Variants in ATXN7L1 observed in about 807,000 individuals in gnomAD.
The protein encoded by ATXN7L1 is ataxin-7-like protein 1.
In ATXN7L1, 15 loss-of-function variants were observed where a neutral mutation model predicts 70.8. That is an observed-to-expected ratio of 0.21 (90% CI 0.14 to 0.33). The LOEUF is 0.33. Among genes scored for constraint, ATXN7L1 ranks in the 10% least tolerant of loss-of-function variants. The pLI is 1.00. For synonymous variants in ATXN7L1, 440 were observed against 445.1 expected (o/e 0.99, Z 0.14); for missense variants, 975 against 1,097.1 (o/e 0.89, Z 1.57).
intron 2 of ATXN7L1, among the ~76,000 whole-genome samples, chr7:105,809,276 T>C (rs1031402703): frequency 3.3e-5 from 5 of 152,220 alleles, no homozygotes; most frequent in Admixed American, 1.3e-4. Flanking sequence ...AAAAGCCCCA[T>C]ATAACATGAG....
chr7:105,630,946 C>A lies in ATXN7L1; in HGVS notation c.1203-6679G>T, dbSNP rs552262247. 4.6e-5 allele frequency among the ~76,000 whole-genome samples: 7 copies of A among 152,276 alleles called. No homozygotes were observed. In the South Asian group the frequency reaches 1.5e-3, roughly 32 times the overall value. ...ACACAGGAAAGGTGGTCTTCAGCTT[C>A]ATCTGGACCTTGTTATATCTGCATG... On this transcript the variant is annotated intron_variant, in intron 7 of 11. Transcript: ENST00000419735.
intron 3 of ATXN7L1, among the ~76,000 whole-genome samples, chr7:105,761,711 G>A (rs1057163277): frequency 6.6e-5 from 10 of 152,116 alleles, no homozygotes; most frequent in East Asian, 1.9e-4. Flanking sequence ...ATGGAATGGC[G>A]GTGGGGTGGG....
chr7:105,819,120 G>T (rs1383554540), intron 2 of ATXN7L1, among the ~76,000 whole-genome samples: 1 of 151,122 alleles, frequency 6.6e-6, no homozygotes. Context: ...AACTATGAGT[G>T]AGAACCTGCG....
chr7:105,802,074 C>CT (rs1240535921), intron 2 of ATXN7L1, among the ~76,000 whole-genome samples: 1 of 152,162 alleles, frequency 6.6e-6, no homozygotes, highest in Admixed American at 6.5e-5. Context: ...CATAGCTTGG[C>CT]TCAAGAGAAA....
intron 4 of ATXN7L1, among the ~76,000 whole-genome samples, chr7:105,645,024 T>C (rs1562945384): frequency 1.3e-5 from 2 of 152,150 alleles, no homozygotes; most frequent in Non-Finnish European, 1.5e-5. Flanking sequence ...ATTCCACTTA[T>C]ATGAGGTACC....
At chr7:105,793,976 C>A (rs1805629317) in intron 2 of ATXN7L1, among the ~76,000 whole-genome samples, 1 of 150,160 alleles carries the variant, frequency 6.7e-6, no homozygotes, top group East Asian at 2.0e-4. Context: ...CCCACCCACC[C>A]CACCCATCCA....
At chr7:105,786,146 T>G (rs920376243) in intron 3 of ATXN7L1, among the ~76,000 whole-genome samples, 1 of 152,204 alleles carries the variant, frequency 6.6e-6, no homozygotes, top group African/African-American at 2.4e-5. Context: ...TTTGCTGAGT[T>G]GTGATCATGT....
At chr7:105,673,043 A>G (rs1230932570) in intron 3 of ATXN7L1, among the ~76,000 whole-genome samples, 8 of 152,204 alleles carry the variant, frequency 5.3e-5, no homozygotes, top group Non-Finnish European at 8.8e-5. Flanking sequence ...GCAGTCCTGG[A>G]GATCAGCCAA....
chr7:105,621,224 C>T (rs1246447895), intron 8 of ATXN7L1, among the ~76,000 whole-genome samples: 7 of 152,154 alleles, frequency 4.6e-5, no homozygotes, highest in Non-Finnish European at 8.8e-5. Flanking sequence ...TGTCTCCTTC[C>T]TTCTTCTTTT....
rs144672992 is a variant in ATXN7L1 at position 105,752,531 on chromosome 7, C to A, written c.355+36073G>T. Among the ~76,000 whole-genome samples, 142 of 152,300 alleles carry A rather than the reference C, an allele frequency of 9.3e-4. 3 individuals are homozygous for A. The East Asian group carries it at 0.025, about 27-fold the overall frequency. On this transcript the variant is annotated intron_variant, in intron 3 of 11. Coordinates refer to ENST00000419735, the MANE Select transcript of ATXN7L1 (RefSeq NM_020725.2). ...ACCACACCACCCTCTGACTATCATT[C>A]CCATGCTTGGCTACCACTGGAACTA...
chr7:105,705,366 C>T (rs571506870), intron 3 of ATXN7L1, among the ~76,000 whole-genome samples: 8 of 152,236 alleles, frequency 5.3e-5, no homozygotes, highest in Admixed American at 1.3e-4. Flanking sequence ...CTTTCTGCTG[C>T]GCTATTGAAC....
At chr7:105,802,196 G>A (rs1243962056) in intron 2 of ATXN7L1, among the ~76,000 whole-genome samples, 2 of 152,174 alleles carry the variant, frequency 1.3e-5, no homozygotes, top group Non-Finnish European at 2.9e-5. Context: ...ACGCTTCAGG[G>A]TCAATCCTTC....
intron 5 of ATXN7L1, among the ~76,000 whole-genome samples, chr7:105,642,220 A>G (rs1046351548): frequency 5.9e-5 from 9 of 152,244 alleles, no homozygotes; most frequent in African/African-American, 9.6e-5. Flanking sequence ...CTGCTCAGAC[A>G]ACCAAGGAGT....
chr7:105,725,532 G>C (rs931296511), intron 3 of ATXN7L1, among the ~76,000 whole-genome samples: 3 of 151,788 alleles, frequency 2.0e-5, no homozygotes, highest in Non-Finnish European at 4.4e-5. Flanking sequence ...TGAGGAATCT[G>C]CTCTCCAAAT....
rs773042809 is a variant in ATXN7L1, at chr7:105,876,406, G to C, written c.153C>G (p.Ile51Met). The change falls in exon 1 of 12, where the codon ATC (isoleucine) becomes ATG (methionine). Residue 51 changes from isoleucine to methionine, a missense_variant. Around this residue, in one of 5 missense-constraint regions of ATXN7L1, gnomAD observed 135 missense variants for 132.6 expected, o/e 1.02. Transcript: ENST00000419735. ...CGGAGCAGTGTAATTTGGCGGCGTC[G>C]ATCCAGGAGGACCAGGGTTTGCCCA... is the stretch of plus-strand genomic sequence containing the variant. Reference protein sequence around the residue: ...AFLGKPWSSWIDAAKLHCSDN... With the variant: ...AFLGKPWSSWMDAAKLHCSDN... The C allele has an allele frequency of 2.5e-6, 4 of 1,611,400 alleles. No homozygotes were observed. The highest frequency in any genetic ancestry group is 3.4e-6 in the Non-Finnish European group (4 of 1,178,646).
chr7:105,639,750 G>A (rs1180872802), intron 5 of ATXN7L1, among the ~76,000 whole-genome samples, 181 bp from the exon 6 acceptor site: 1 of 152,132 alleles, frequency 6.6e-6, no homozygotes, highest in Non-Finnish European at 1.5e-5. Context: ...TTCCAGAACC[G>A]CTCGGGGAAA....
At chr7:105,613,691 T>C in intron 10 of ATXN7L1, 171 bp downstream of exon 10, 7 of 1,471,648 alleles carry the variant, frequency 4.8e-6, no homozygotes, top group Non-Finnish European at 6.3e-6. Flanking sequence ...TGGTATCAAG[T>C]ACTTGTTCAG....
chr7:105,757,311 G>A (rs1171568732), intron 3 of ATXN7L1, among the ~76,000 whole-genome samples: 1 of 152,112 alleles, frequency 6.6e-6, no homozygotes, highest in African/African-American at 2.4e-5. Flanking sequence ...AAGGATGGAG[G>A]CAAATTTCAC....
At chr7:105,757,603 C>T (rs1799968349) in intron 3 of ATXN7L1, among the ~76,000 whole-genome samples, 1 of 106,888 alleles carries the variant, frequency 9.4e-6, no homozygotes, top group Non-Finnish European at 1.7e-5. Flanking sequence ...TTTTTTGAGA[C>T]AGGTCTCACT....
Sources: gnomAD v4.1 joint callset for allele counts (sites outside exome capture counted in the v4.1 genomes callset) on GRCh38, gnomAD v4.1.1 for gene constraint, gnomAD v4.1.1 regional missense constraint, MANE v1.5 for transcripts, NCBI Gene and HGNC (gene_info 2026-07-23, HGNC 2026-07-21) for gene names.